Variants in GPRIN3 observed in about 807,000 individuals in gnomAD.
GPRIN3 encodes the protein GPRIN family member 3, also known as G protein-regulated inducer of neurite outgrowth 3.
In GPRIN3, 12 loss-of-function variants were observed where a neutral mutation model predicts 13.7. The observed-to-expected ratio is 0.87, with a 90% confidence interval of 0.56 to 1.42. GPRIN3 has a LOEUF of 1.42. Among genes scored for constraint, GPRIN3 ranks in the 40% most tolerant of loss-of-function variants. The pLI, the probability that GPRIN3 is intolerant of heterozygous loss-of-function variation, is 0.00. For missense variants in GPRIN3, 1,009 were observed against 958.7 expected (o/e 1.05, Z -0.69); for synonymous variants, 377 against 372.7 (o/e 1.01, Z -0.13).
At chr4:89,278,193 T>C (rs1037274901) in intron 1 of GPRIN3, among the ~76,000 whole-genome samples, 1 of 152,208 alleles carries the variant, frequency 6.6e-6, no homozygotes, top group Non-Finnish European at 1.5e-5. Flanking sequence ...TATTTTCTAC[T>C]GTGTTCTGAA....
intron 1 of GPRIN3, among the ~76,000 whole-genome samples, chr4:89,288,932 CAG>C (rs561032834): frequency 1.2e-3 from 188 of 152,140 alleles, no homozygotes; most frequent in South Asian, 2.1e-3. Context: ...GATCAAGAAA[CAG>C]AATTTTATTC....
At position 89,239,134 on chromosome 4, in the gene GPRIN3, CATT is replaced by C. The variant is rs1722857824; in HGVS notation, c.*8643_*8645del. 4.6e-5 allele frequency: 7 copies of C among 152,022 alleles called. No individual in the cohort carries two copies. The highest frequency in any genetic ancestry group is 4.6e-4 in the Admixed American group (7 of 15,254). The allele number at this position is 152,022 out of a possible 1,614,324, so 9.4% of individuals were successfully genotyped here. ...GAAATGATTTTATGGCCTTTGTAAA[CATT>C]ATAATGTAGACATTATAAAAAAACA... On this transcript the variant is annotated 3_prime_UTR_variant, in exon 2 of 2. Coordinates refer to ENST00000609438, the MANE Select transcript of GPRIN3 (RefSeq NM_198281.3).
chr4:89,250,000 T>C lies in GPRIN3; in HGVS notation c.111A>G (p.Pro37=), dbSNP rs748627327. The C allele has an allele frequency of 3.1e-6, 5 of 1,614,114 alleles. No individual in the cohort carries two copies. In the East Asian group the frequency reaches 1.1e-4, roughly 36 times the overall value. The change falls in exon 2 of 2, where the codon CCA becomes CCG. Residue 37 remains proline (P), a synonymous_variant. Transcript: ENST00000609438. ...CATTGGCATTCTTACACAGGAGAGC[T>C]GGTCGATGCCGAGGTGAGGCAGCCT... ...EPQAASPRHR[P]ALLCKNANGF... is the part of the protein sequence containing the mutation.
In GPRIN3 at chr4:89,298,662, C is replaced by CAT. The variant is rs772549748; in HGVS notation, c.-124+8951_-124+8952dup. ...CACAAAACAGGGTTTTACATACATA[C>CAT]ATATATATATATGTATATATATATA... is the stretch of plus-strand genomic sequence containing the variant. On this transcript the variant is annotated intron_variant, in intron 1 of 1. Coordinates refer to ENST00000609438, the MANE Select transcript of GPRIN3 (RefSeq NM_198281.3). 5.8e-3 allele frequency among the ~76,000 whole-genome samples: 870 copies of CAT among 151,164 alleles called. 6 individuals are homozygous for CAT. Among genetic ancestry groups the CAT allele is most frequent in the African/African-American group, 0.019 (796 of 40,992 alleles).
chr4:89,273,615 G>C (rs1724018400), intron 1 of GPRIN3, among the ~76,000 whole-genome samples: 1 of 152,244 alleles, frequency 6.6e-6, no homozygotes, highest in African/African-American at 2.4e-5. Context: ...GAACCAGGGA[G>C]GCAGAGGTTG....
chr4:89,248,506 T>G lies in GPRIN3; in HGVS notation c.1605A>C (p.Ala535=), dbSNP rs1457552078. 6.2e-7 allele frequency: 1 copy of G among 1,613,040 alleles called. No individual in the cohort carries two copies. The highest frequency in any genetic ancestry group is 2.2e-5 in the East Asian group (1 of 44,854). The part of the protein sequence containing the change: ...GSLDPTNKGD[A]REKKPASPQV... ...GAGGAGATGCAGGCTTCTTTTCCCT[T>G]GCATCTCCTTTATTAGTGGGATCCA... Residue 535 remains alanine (A), a synonymous_variant, in exon 2 of 2, where the codon GCA becomes GCC. Transcript: ENST00000609438.
chr4:89,270,578 TATATATATATATATATATATATAA>T (rs1422950462), intron 1 of GPRIN3, among the ~76,000 whole-genome samples: 1 of 99,548 alleles, frequency 1.0e-5, no homozygotes, highest in Non-Finnish European at 1.8e-5. Flanking sequence ...TATATATATA[TATATATATATATATATATATATAA>T]AATATAGATA....
chr4:89,284,642 C>T (rs1324342796), intron 1 of GPRIN3, among the ~76,000 whole-genome samples: 1 of 152,142 alleles, frequency 6.6e-6, no homozygotes. Flanking sequence ...CTTCCAAGTC[C>T]ACTGCTCCTT....
intron 1 of GPRIN3, among the ~76,000 whole-genome samples, chr4:89,305,092 AGGC>A: frequency 6.6e-6 from 1 of 152,202 alleles, no homozygotes; most frequent in African/African-American, 2.4e-5. Flanking sequence ...ATGAGTTGGC[AGGC>A]CTTTTGGACT....
chr4:89,263,144 C>T (rs571034505), intron 1 of GPRIN3, among the ~76,000 whole-genome samples: 1 of 152,284 alleles, frequency 6.6e-6, no homozygotes, highest in Admixed American at 6.5e-5. Context: ...TGGTCTCATT[C>T]AGTCAATGCT....
chr4:89,248,922 C>G lies in GPRIN3; in HGVS notation c.1189G>C (p.Ala397Pro). 1 of 1,614,238 alleles carries G rather than the reference C, an allele frequency of 6.2e-7. No individual in the cohort carries two copies. The highest frequency in any genetic ancestry group is 8.5e-7 in the Non-Finnish European group (1 of 1,180,032). Reference protein sequence around the residue: ...GIMPQVHIQAAAAESTAFQRE... With the variant: ...GIMPQVHIQAPAAESTAFQRE... ...TGGAAAGCTGTAGACTCAGCTGCAG[C>G]TGCCTGAATGTGCACCTGTGGCATG... Residue 397 changes from alanine to proline, a missense_variant, in exon 2 of 2, where the codon GCT becomes CCT. Coordinates refer to ENST00000609438, the MANE Select transcript of GPRIN3 (RefSeq NM_198281.3).
chr4:89,293,652 G>C (rs928425457), intron 1 of GPRIN3, among the ~76,000 whole-genome samples: 3 of 152,092 alleles, frequency 2.0e-5, no homozygotes, highest in Non-Finnish European at 4.4e-5. Context: ...TATCTTTATG[G>C]GTTTCATTTT....
chr4:89,253,834 G>A (rs1475574178), intron 1 of GPRIN3, among the ~76,000 whole-genome samples: 1 of 152,104 alleles, frequency 6.6e-6, no homozygotes, highest in Non-Finnish European at 1.5e-5. Flanking sequence ...CAATCTGTCT[G>A]CTAATGGAAT....
chr4:89,281,719 A>T (rs1383416058), intron 1 of GPRIN3, among the ~76,000 whole-genome samples: 3 of 152,070 alleles, frequency 2.0e-5, no homozygotes, highest in Admixed American at 2.0e-4. Context: ...GACAGAACAC[A>T]TTTCTGTTGT....
intron 1 of GPRIN3, among the ~76,000 whole-genome samples, chr4:89,261,906 G>GT (rs1160934319): frequency 6.6e-6 from 1 of 151,952 alleles, no homozygotes; most frequent in Non-Finnish European, 1.5e-5. Context: ...GAGCTTAGGA[G>GT]TTCAAGACCA....
rs200125932 is a variant in GPRIN3, at chr4:89,249,430, G to C, written c.681C>G (p.Ile227Met). ...GGPEGERQGAICDSEMRSCKP... is the reference protein window; with the variant it reads ...GGPEGERQGAMCDSEMRSCKP... ...TACAGGACCTCATTTCAGAGTCACAGATGGCTCCCTGCCTTTCCCCTTCAG... is the reference window on the plus strand; with the variant it reads ...TACAGGACCTCATTTCAGAGTCACACATGGCTCCCTGCCTTTCCCCTTCAG... The change falls in exon 2 of 2, where the codon ATC (isoleucine) becomes ATG (methionine). Residue 227 changes from isoleucine (I) to methionine (M), a missense_variant. Transcript: ENST00000609438. The C allele has an allele frequency of 6.2e-7, 1 of 1,614,152 alleles. No homozygotes were observed. The highest frequency in any genetic ancestry group is 2.2e-5 in the East Asian group (1 of 44,862).
chr4:89,279,942 T>C (rs545069046), intron 1 of GPRIN3, among the ~76,000 whole-genome samples: 32 of 152,310 alleles, frequency 2.1e-4, no homozygotes, highest in Non-Finnish European at 3.4e-4. Context: ...ATCTCCAAAA[T>C]AGCAACTCTC....
At chr4:89,285,835 G>A (rs1299098204) in intron 1 of GPRIN3, among the ~76,000 whole-genome samples, 1 of 152,120 alleles carries the variant, frequency 6.6e-6, no homozygotes, top group Non-Finnish European at 1.5e-5. Context: ...TGGATAAGTA[G>A]CTTGTTAGAA....
At chr4:89,303,826 T>C (rs894965195) in intron 1 of GPRIN3, among the ~76,000 whole-genome samples, 5 of 150,388 alleles carry the variant, frequency 3.3e-5, no homozygotes, top group African/African-American at 1.2e-4. Flanking sequence ...AAAATATGTA[T>C]GTATGTATCT....
Sources: gnomAD v4.1 joint callset for allele counts (sites outside exome capture counted in the v4.1 genomes callset) on GRCh38, gnomAD v4.1.1 for gene constraint, MANE v1.5 for transcripts, NCBI Gene and HGNC (gene_info 2026-07-23, HGNC 2026-07-21) for gene names.